Variants in ZBBX observed in about 807,000 individuals in gnomAD.
ZBBX encodes the protein zinc finger B-box domain containing.
Under a neutral mutation model 108.5 loss-of-function variants are expected in ZBBX, and 101 were observed. The ratio of observed to expected loss-of-function variants is 0.93; its 90% confidence interval spans 0.79 to 1.10. The LOEUF (loss-of-function observed/expected upper bound fraction) is 1.10. Among genes scored for constraint, ZBBX ranks in the 50% least tolerant of loss-of-function variants. ZBBX has a pLI of 0.00. For missense variants in ZBBX, 1,009 were observed against 941.4 expected, an observed-to-expected ratio of 1.07 and a Z score of -0.94; for synonymous variants, 356 against 323.4, an observed-to-expected ratio of 1.10 and a Z score of -1.08.
the ZBBX span, among the ~76,000 whole-genome samples, chr3:167,198,997 T>A: frequency 6.6e-6 from 1 of 152,212 alleles, no homozygotes; most frequent in Non-Finnish European, 1.5e-5. Context: ...TTTGTTTGTG[T>A]TCTCCCAAAA....
chr3:167,317,096 GTCTCCTCACC>G lies in ZBBX; in HGVS notation c.1094-1_1102del, dbSNP rs1355864551. 13 of 1,601,580 alleles carry G rather than the reference GTCTCCTCACC, an allele frequency of 8.1e-6. No individual in the cohort carries two copies. Among genetic ancestry groups the G allele is most frequent in the Non-Finnish European group, 9.4e-6 (11 of 1,171,202 alleles). Reference sequence around the variant, plus strand: ...TAAAAGAGCTGTGTGTTGTACTTTGGTCTCCTCACCTAGGAAATAAGATTCACAAATAATA... The same window carrying G: ...TAAAAGAGCTGTGTGTTGTACTTTGGTAGGAAATAAGATTCACAAATAATA... On this transcript the variant is annotated splice_acceptor_variant and coding_sequence_variant, in exon 14 of 22. Coordinates refer to ENST00000675490, the MANE Select transcript of ZBBX (RefSeq NM_001199201.2). LOFTEE classifies it high-confidence loss of function.
chr3:167,378,283 G>C (rs976123954), intron 2 of ZBBX, among the ~76,000 whole-genome samples: 1 of 152,142 alleles, frequency 6.6e-6, no homozygotes, highest in East Asian at 1.9e-4. Context: ...TACCCAAGTT[G>C]CCCATTTTTT....
At chr3:167,244,127 A>G (rs537976766) in intron 20 of ZBBX, among the ~76,000 whole-genome samples, 1 of 152,284 alleles carries the variant, frequency 6.6e-6, no homozygotes, top group Non-Finnish European at 1.5e-5. Flanking sequence ...CCCATGAAGA[A>G]CTAATAACTT....
the ZBBX span, among the ~76,000 whole-genome samples, chr3:167,210,833 A>G: frequency 2.6e-5 from 4 of 152,220 alleles, no homozygotes; most frequent in African/African-American, 9.6e-5. Flanking sequence ...ATAACCTTCA[A>G]ATATGAAGGA....
At chr3:167,330,693 G>A (rs1420284766) in intron 10 of ZBBX, among the ~76,000 whole-genome samples, 1 of 151,556 alleles carries the variant, frequency 6.6e-6, no homozygotes, top group Non-Finnish European at 1.5e-5. Context: ...GGAGGAGGTT[G>A]CAGTGAGCTG....
At position 167,333,831 on chromosome 3, in the gene ZBBX, G is replaced by C; in HGVS notation, c.683C>G (p.Ser228Cys). The change falls in exon 10 of 22, where the codon TCT becomes TGT. Residue 228 changes from serine to cysteine, a missense_variant. Coordinates refer to ENST00000675490, the MANE Select transcript of ZBBX (RefSeq NM_001199201.2). The stretch of plus-strand genomic sequence containing the variant: ...ACTATATTTTCCTCAGTTTACCTCA[G>C]AGCTGCTCCTCTGGAGAAGTACAGA... ...PKSVLLQRSS[S>C]EVEITTMKRA... 6.2e-7 allele frequency: 1 copy of C among 1,603,474 alleles called. No homozygotes were observed. Among genetic ancestry groups the C allele is most frequent in the Non-Finnish European group, 8.5e-7 (1 of 1,176,520 alleles).
chr3:167,402,396 A>G (rs1299573638), intron 1 of ZBBX, among the ~76,000 whole-genome samples: 3 of 152,198 alleles, frequency 2.0e-5, no homozygotes, highest in South Asian at 2.1e-4. Flanking sequence ...AGTCCCAGAT[A>G]AATAAACCCT....
chr3:167,351,867 C>A (rs979462147), intron 8 of ZBBX, among the ~76,000 whole-genome samples: 1 of 152,088 alleles, frequency 6.6e-6, no homozygotes, highest in African/African-American at 2.4e-5. Flanking sequence ...AGATCAAGCA[C>A]CCCATTCCTG....
intron 21 of ZBBX, 41 bp from the exon 22 acceptor site, chr3:167,240,960 C>A: frequency 6.3e-7 from 1 of 1,599,424 alleles, no homozygotes; most frequent in Non-Finnish European, 8.5e-7. Context: ...TATACAGAAC[C>A]GGGTTTCAAC....
At chr3:167,359,080 T>A (rs1403473652) in intron 8 of ZBBX, among the ~76,000 whole-genome samples, 1 of 151,988 alleles carries the variant, frequency 6.6e-6, no homozygotes, top group African/African-American at 2.4e-5. Flanking sequence ...AATGTATGAA[T>A]GGATAAACAA....
chr3:167,358,887 G>C (rs1352762356), intron 8 of ZBBX, among the ~76,000 whole-genome samples: 1 of 121,490 alleles, frequency 8.2e-6, no homozygotes, highest in Non-Finnish European at 1.6e-5. Context: ...AGTGAGCCCA[G>C]ATTGCGCCAC....
chr3:167,218,580 T>C, the ZBBX span, among the ~76,000 whole-genome samples: 282 of 152,186 alleles, frequency 1.9e-3, no homozygotes, highest in Non-Finnish European at 3.1e-3. Flanking sequence ...GGTTATAAGA[T>C]ATTATTTGCA....
chr3:167,319,792 T>G (rs1319991725), intron 12 of ZBBX, among the ~76,000 whole-genome samples: 1 of 151,978 alleles, frequency 6.6e-6, no homozygotes, highest in Non-Finnish European at 1.5e-5. Flanking sequence ...ACATATATAT[T>G]TTAGGGCTAA....
intron 8 of ZBBX, among the ~76,000 whole-genome samples, chr3:167,358,073 C>T (rs969355793): frequency 5.3e-5 from 8 of 151,640 alleles, no homozygotes; most frequent in African/African-American, 1.7e-4. Flanking sequence ...TGCTAAATGA[C>T]GAGTTAATGG....
At chr3:167,330,289 C>T (rs1161802678) in intron 10 of ZBBX, among the ~76,000 whole-genome samples, 1 of 152,124 alleles carries the variant, frequency 6.6e-6, no homozygotes, top group Non-Finnish European at 1.5e-5. Flanking sequence ...AGAAGGGTTG[C>T]CTGACTCCTA....
intron 18 of ZBBX, among the ~76,000 whole-genome samples, chr3:167,292,524 C>A (rs1043923710): frequency 1.3e-5 from 2 of 152,076 alleles, no homozygotes; most frequent in African/African-American, 4.8e-5. Flanking sequence ...CATAATGTAC[C>A]AGAATCTCTG....
At chr3:167,323,246 G>A (rs1560124211) in intron 11 of ZBBX, among the ~76,000 whole-genome samples, 1 of 149,116 alleles carries the variant, frequency 6.7e-6, no homozygotes, top group African/African-American at 2.5e-5. Flanking sequence ...AGAGGGGGGG[G>A]GGGGAAAGAA....
chr3:167,349,533 C>T (rs1208465726), intron 9 of ZBBX, among the ~76,000 whole-genome samples: 1 of 151,916 alleles, frequency 6.6e-6, no homozygotes, highest in Non-Finnish European at 1.5e-5. Flanking sequence ...TTATTTGGGT[C>T]ATCAGCACCC....
intron 8 of ZBBX, among the ~76,000 whole-genome samples, chr3:167,357,043 G>C (rs1022691874): frequency 2.0e-5 from 3 of 152,106 alleles, no homozygotes; most frequent in Admixed American, 2.0e-4. Context: ...TGTTGAGTAG[G>C]TAGATTGAGC....
Sources: allele counts gnomAD v4.1 joint callset (sites outside exome capture counted in the v4.1 genomes callset), GRCh38; gene constraint gnomAD v4.1.1; transcripts MANE v1.5; gene names NCBI Gene and HGNC (gene_info 2026-07-23, HGNC 2026-07-21).